ARL5A: variants seen among roughly 807,000 people sequenced by gnomAD.
ARL5A encodes ADP-ribosylation factor-like protein 5A.
A neutral mutation model predicts 25.9 loss-of-function variants in ARL5A; 18 were observed. That is an observed-to-expected ratio of 0.69 (90% CI 0.48 to 1.03). The LOEUF (loss-of-function observed/expected upper bound fraction) is 1.03, where lower values mean the gene tolerates loss of function less well. Ranked by LOEUF, ARL5A falls within the 50% of genes least tolerant of loss-of-function variation. The probability of loss-of-function intolerance (pLI) is 0.00; values close to 1 mark genes in which losing one functional copy is unlikely to be tolerated. For synonymous variants in ARL5A, 61 were observed against 67.5 expected (o/e 0.90, Z 0.47); for missense variants, 170 against 211.9 (o/e 0.80, Z 1.23).
chr2:151,799,316 T>C lies in ARL5A; in HGVS notation c.*3960A>G, dbSNP rs1416440945. On this transcript the variant is annotated 3_prime_UTR_variant, in exon 6 of 6. Coordinates refer to ENST00000295087, the MANE Select transcript of ARL5A (RefSeq NM_012097.4). ...ATAGGCTTTTCATTACTAACTCCTT[T>C]AGACATCTAATGTTTATCTCTGTTT... The C allele has an allele frequency of 1.3e-5, 2 of 152,186 alleles. No homozygotes were observed. The highest frequency in any genetic ancestry group is 1.5e-5 in the Non-Finnish European group (1 of 68,028). The allele number at this position is 152,186 out of a possible 1,614,324, so 9.4% of individuals were successfully genotyped here.
At chr2:151,815,273 C>G in intron 1 of ARL5A, 74 bp from the exon 2 acceptor site, 1 of 1,178,162 alleles carries the variant, frequency 8.5e-7, no homozygotes, top group South Asian at 1.4e-5. Flanking sequence ...AAAAAATATA[C>G]TCTGTATCTC....
intron 2 of ARL5A, among the ~76,000 whole-genome samples, chr2:151,814,644 T>A (rs1252795144): frequency 1.3e-5 from 2 of 152,002 alleles, no homozygotes; most frequent in Non-Finnish European, 2.9e-5. Flanking sequence ...CTTGACCTCC[T>A]GAATAGGATC....
chr2:151,819,534 T>C (rs1021939627), intron 1 of ARL5A, among the ~76,000 whole-genome samples: 2 of 152,200 alleles, frequency 1.3e-5, no homozygotes, highest in Admixed American at 6.5e-5. Flanking sequence ...TTTCAAAGAA[T>C]AGATTGAATA....
At chr2:151,804,714 T>C (rs761880736) in intron 5 of ARL5A, among the ~76,000 whole-genome samples, 17 of 152,196 alleles carry the variant, frequency 1.1e-4, no homozygotes, top group Non-Finnish European at 1.9e-4. Flanking sequence ...AATTAATCTT[T>C]ACAACACTGA....
At chr2:151,810,693 G>C (rs2099830723) in intron 4 of ARL5A, 1 of 264,518 alleles carries the variant, frequency 3.8e-6, no homozygotes, top group African/African-American at 2.3e-5. Context: ...ACCTATGTAA[G>C]TTAATGCCCC....
At position 151,800,527 on chromosome 2, in the gene ARL5A, A is replaced by G. The variant is rs557508559; in HGVS notation, c.*2749T>C. ...AGTGCTAAAGCACTTTTATATTCTT[A>G]AGGCAAAATGTCACATAAGAAAATG... On this transcript the variant is annotated 3_prime_UTR_variant, in exon 6 of 6. Coordinates refer to ENST00000295087, the MANE Select transcript of ARL5A (RefSeq NM_012097.4). 1.3e-5 allele frequency: 2 copies of G among 152,312 alleles called. No individual in the cohort carries two copies. Among genetic ancestry groups the G allele is most frequent in the East Asian group, 3.9e-4 (2 of 5,184 alleles). 9.4% of individuals were successfully genotyped at this position (152,312 alleles called of 1,614,324 possible).
intron 1 of ARL5A, among the ~76,000 whole-genome samples, chr2:151,825,645 G>C (rs1013192585): frequency 6.6e-6 from 1 of 152,038 alleles, no homozygotes; most frequent in Non-Finnish European, 1.5e-5. Flanking sequence ...TGTTCTCGAG[G>C]GGTTTCAGAA....
chr2:151,800,849 G>T lies in ARL5A; in HGVS notation c.*2427C>A, dbSNP rs531244364. On this transcript the variant is annotated 3_prime_UTR_variant, in exon 6 of 6. Transcript: ENST00000295087. ...AATCCAGCCACATGTACAGAACTAT[G>T]AATCTTTGTTCTTCTCAGAGCTGAA... 1 of 152,624 alleles carries T rather than the reference G, an allele frequency of 6.6e-6. No individual in the cohort carries two copies. The highest frequency in any genetic ancestry group is 1.9e-4 in the East Asian group (1 of 5,168). The allele number at this position is 152,624 out of a possible 1,614,324, so 9.5% of individuals were successfully genotyped here.
At chr2:151,821,786 T>C (rs1349608814) in intron 1 of ARL5A, among the ~76,000 whole-genome samples, 7 of 96,566 alleles carry the variant, frequency 7.2e-5, no homozygotes, top group African/African-American at 1.6e-4. Context: ...TTTTTTTTTT[T>C]TTCTTTTTTT....
At chr2:151,815,753 C>T (rs577676808) in intron 1 of ARL5A, among the ~76,000 whole-genome samples, 3 of 152,198 alleles carry the variant, frequency 2.0e-5, no homozygotes, top group Non-Finnish European at 4.4e-5. Flanking sequence ...TCCCTCCCCC[C>T]ATTTGGCTTC....
chr2:151,827,501 C>G (rs2099833228), intron 1 of ARL5A: 1 of 152,094 alleles, frequency 6.6e-6, no homozygotes, highest in South Asian at 2.1e-4. Context: ...GAAAAATGAC[C>G]TTAAGCTTAA....
chr2:151,822,938 A>G (rs1208666065), intron 1 of ARL5A, among the ~76,000 whole-genome samples: 3 of 152,244 alleles, frequency 2.0e-5, no homozygotes. Flanking sequence ...CCAGTTTTTA[A>G]AAGTTAATAT....
chr2:151,822,417 C>T lies in ARL5A; in HGVS notation c.46+5714G>A, dbSNP rs147941836. 4.6e-5 allele frequency among the ~76,000 whole-genome samples: 7 copies of T among 152,314 alleles called. No homozygotes were observed. In the East Asian group the frequency reaches 5.8e-4, roughly 13 times the overall value. ...ACTGTGCAATGGGCTCAAAGACAAA[C>T]GTGTCATCTCAATAATAGGGTCAGA... On this transcript the variant is annotated intron_variant, in intron 1 of 5. Coordinates refer to ENST00000295087, the MANE Select transcript of ARL5A (RefSeq NM_012097.4).
chr2:151,821,493 G>C (rs2099832301), intron 1 of ARL5A, among the ~76,000 whole-genome samples: 1 of 152,166 alleles, frequency 6.6e-6, no homozygotes, highest in African/African-American at 2.4e-5. Context: ...TGATCCAGAG[G>C]ATCTTTACCT....
At chr2:151,807,015 C>A (rs1306026780) in intron 4 of ARL5A, 43 bp from the exon 5 acceptor site, 1 of 1,515,410 alleles carries the variant, frequency 6.6e-7, no homozygotes, top group Non-Finnish European at 8.9e-7. Flanking sequence ...ACATTTTCCA[C>A]ATATTTTTCA....
At position 151,828,275 on chromosome 2, in the gene ARL5A, T is replaced by TCTG; in HGVS notation, c.-102_-100dup. 9.3e-7 allele frequency: 1 copy of TCTG among 1,073,290 alleles called. No homozygotes were observed. The highest frequency in any genetic ancestry group is 1.4e-6 in the Non-Finnish European group (1 of 735,796). The allele number at this position is 1,073,290 out of a possible 1,614,324, so 66.5% of individuals were successfully genotyped here. On this transcript the variant is annotated 5_prime_UTR_variant, in exon 1 of 6. Transcript: ENST00000295087. ...AGAGAGACGCGCTGGAGCCTCCGCC[T>TCTG]CTGCTGCTGCTCCCGCGCTGGTCGC...
At chr2:151,819,969 T>G (rs1016144820) in intron 1 of ARL5A, among the ~76,000 whole-genome samples, 2 of 152,192 alleles carry the variant, frequency 1.3e-5, no homozygotes, top group Non-Finnish European at 2.9e-5. Context: ...GGTAGACGAA[T>G]TGCTTGAACC....
chr2:151,821,940 C>T (rs1429636707), intron 1 of ARL5A, among the ~76,000 whole-genome samples: 2 of 152,086 alleles, frequency 1.3e-5, no homozygotes, highest in African/African-American at 4.8e-5. Flanking sequence ...ACCTCTGCCT[C>T]CCAGGTTCAA....
At chr2:151,827,224 T>G (rs1420559812) in intron 1 of ARL5A, among the ~76,000 whole-genome samples, 2 of 152,172 alleles carry the variant, frequency 1.3e-5, no homozygotes, top group Non-Finnish European at 2.9e-5. Flanking sequence ...AAGTATCCAG[T>G]CTTTGGGTTA....
Sources: gnomAD v4.1 joint callset for allele counts (sites outside exome capture counted in the v4.1 genomes callset) on GRCh38, gnomAD v4.1.1 for gene constraint, MANE v1.5 for transcripts, NCBI Gene and HGNC (gene_info 2026-07-23, HGNC 2026-07-21) for gene names.